GPC6: variants seen among roughly 807,000 people sequenced by gnomAD.
GPC6 encodes the protein glypican 6.
In GPC6, 14 loss-of-function variants were observed where a neutral mutation model predicts 55.2. The observed-to-expected ratio is 0.25, with a 90% CI of 0.17 to 0.40. The LOEUF (loss-of-function observed/expected upper bound fraction) is 0.40. GPC6 is among the 10% of genes least tolerant of loss of function. GPC6 has a pLI of 1.00. For missense variants in GPC6, 641 were observed against 708.5 expected (o/e 0.90, Z 1.08); for synonymous variants, 278 against 259.6 (o/e 1.07, Z -0.68).
At chr13:93,437,266 C>A (rs1344720344) in intron 1 of GPC6, among the ~76,000 whole-genome samples, 1 of 152,116 alleles carries the variant, frequency 6.6e-6, no homozygotes, top group Non-Finnish European at 1.5e-5. Context: ...ACAGTGGCTT[C>A]TCAGTGTTCA....
At chr13:94,309,185 G>T (rs987692255) in intron 6 of GPC6, among the ~76,000 whole-genome samples, 10 of 152,250 alleles carry the variant, frequency 6.6e-5, no homozygotes, top group African/African-American at 2.4e-4. Flanking sequence ...TGTTTCAGCA[G>T]AAAAATGCTT....
At chr13:94,334,477 G>C (rs1424312370) in intron 6 of GPC6, among the ~76,000 whole-genome samples, 2 of 152,236 alleles carry the variant, frequency 1.3e-5, no homozygotes, top group Admixed American at 1.3e-4. Flanking sequence ...TGAAATTCTA[G>C]TGTAAAAGTA....
At chr13:93,476,300 G>C (rs1181283123) in intron 1 of GPC6, among the ~76,000 whole-genome samples, 1 of 151,270 alleles carries the variant, frequency 6.6e-6, no homozygotes, top group Admixed American at 6.6e-5. Context: ...GTGTGCGTGC[G>C]TGTGTGTGTG....
At chr13:93,960,969 C>A (rs1053000884) in intron 3 of GPC6, among the ~76,000 whole-genome samples, 17 of 152,140 alleles carry the variant, frequency 1.1e-4, no homozygotes, top group Non-Finnish European at 2.2e-4. Flanking sequence ...CCCGCCACCA[C>A]GTCCGGCTAA....
At chr13:93,913,775 G>A (rs1877137543) in intron 3 of GPC6, among the ~76,000 whole-genome samples, 1 of 152,140 alleles carries the variant, frequency 6.6e-6, no homozygotes, top group Admixed American at 6.5e-5. Flanking sequence ...TCATTCAGAT[G>A]ATTCACTATC....
chr13:94,162,764 C>T (rs749281471), intron 4 of GPC6, among the ~76,000 whole-genome samples: 3 of 152,092 alleles, frequency 2.0e-5, no homozygotes, highest in Non-Finnish European at 4.4e-5. Flanking sequence ...TTCAGTTAGA[C>T]AGCTGGACAT....
chr13:94,116,801 G>A (rs899920167), intron 4 of GPC6, among the ~76,000 whole-genome samples: 2 of 152,052 alleles, frequency 1.3e-5, no homozygotes, highest in Admixed American at 1.3e-4. Context: ...GAAGATGACA[G>A]CAATTAAAAG....
chr13:93,792,967 C>G (rs975843674), intron 2 of GPC6, among the ~76,000 whole-genome samples: 1 of 152,098 alleles, frequency 6.6e-6, no homozygotes, highest in Non-Finnish European at 1.5e-5. Flanking sequence ...ACTTTCTGAC[C>G]CCCATACCTC....
chr13:93,509,366 G>A (rs1034673060), intron 1 of GPC6, among the ~76,000 whole-genome samples: 1 of 152,092 alleles, frequency 6.6e-6, no homozygotes, highest in African/African-American at 2.4e-5. Context: ...GAAAGAATTG[G>A]GCTGCCTTCC....
chr13:94,022,896 T>A (rs559859792), intron 3 of GPC6, among the ~76,000 whole-genome samples: 1 of 152,092 alleles, frequency 6.6e-6, no homozygotes, highest in Non-Finnish European at 1.5e-5. Context: ...AAGTCCTTGA[T>A]AAAAGATTAT....
At chr13:93,684,615 A>G (rs181988485) in intron 2 of GPC6, among the ~76,000 whole-genome samples, 164 of 152,336 alleles carry the variant, frequency 1.1e-3, no homozygotes, top group African/African-American at 3.7e-3. Context: ...GAAGTTTTTT[A>G]TAATGTCACT....
chr13:93,651,654 A>C (rs1880413676), intron 2 of GPC6, among the ~76,000 whole-genome samples: 1 of 152,126 alleles, frequency 6.6e-6, no homozygotes, highest in African/African-American at 2.4e-5. Flanking sequence ...TCCCAAAGGG[A>C]CACAATGCAG....
At chr13:93,394,793 A>C (rs1027181455) in intron 1 of GPC6, among the ~76,000 whole-genome samples, 11 of 138,978 alleles carry the variant, frequency 7.9e-5, no homozygotes, top group African/African-American at 2.9e-4. Flanking sequence ...GTATTAGGTA[A>C]TTTTATTTAT....
intron 2 of GPC6, among the ~76,000 whole-genome samples, chr13:93,607,440 C>T (rs1041404689): frequency 2.0e-5 from 3 of 152,170 alleles, no homozygotes; most frequent in Non-Finnish European, 4.4e-5. Context: ...GCTTACATTC[C>T]ATGGATTGTA....
At chr13:93,631,143 G>A (rs73543536) in intron 2 of GPC6, among the ~76,000 whole-genome samples, 6,319 of 152,174 alleles carry the variant, frequency 0.042, 453 homozygotes, top group African/African-American at 0.14. Context: ...GTAAGGAGGG[G>A]AGGGTTTACT....
intron 1 of GPC6, among the ~76,000 whole-genome samples, chr13:93,367,631 G>A (rs985311979): frequency 1.3e-5 from 2 of 151,984 alleles, no homozygotes; most frequent in African/African-American, 4.8e-5. Context: ...TCTATTTTGA[G>A]TTTAATTCAG....
intron 3 of GPC6, among the ~76,000 whole-genome samples, chr13:93,935,252 C>G (rs981015154): frequency 6.6e-6 from 1 of 152,100 alleles, no homozygotes; most frequent in South Asian, 2.1e-4. Context: ...TTTTTCAACC[C>G]TTGGCCCCCT....
intron 2 of GPC6, among the ~76,000 whole-genome samples, chr13:93,555,099 ATTTTG>A (rs1338799495): frequency 6.6e-6 from 1 of 152,062 alleles, no homozygotes; most frequent in Non-Finnish European, 1.5e-5. Context: ...TTCTCCACGT[ATTTTG>A]TTTTATTTTT....
rs138798938 is a variant in GPC6, at chr13:93,862,988, T to C, written c.711+32443T>C. On this transcript the variant is annotated intron_variant, in intron 3 of 8. Coordinates refer to ENST00000377047, the MANE Select transcript of GPC6 (RefSeq NM_005708.5). The stretch of plus-strand genomic sequence containing the variant: ...GGCCCAAAGAATGAATCCTCGCATG[T>C]TGTGTGACCCATAGTGAAGAAAATA... Among the ~76,000 whole-genome samples, 302 of 151,812 alleles carry C rather than the reference T, an allele frequency of 2.0e-3. 2 individuals carry two copies. Among genetic ancestry groups the C allele is most frequent in the African/African-American group, 6.7e-3 (277 of 41,500 alleles).
Sources: gnomAD v4.1 joint callset for allele counts (sites outside exome capture counted in the v4.1 genomes callset) on GRCh38, gnomAD v4.1.1 for gene constraint, MANE v1.5 for transcripts, NCBI Gene and HGNC (gene_info 2026-07-23, HGNC 2026-07-21) for gene names.